Variants in CDH7 observed in about 807,000 individuals in gnomAD.
CDH7 encodes cadherin 7.
Under a neutral mutation model 71.8 loss-of-function variants are expected in CDH7, and 25 were observed. That is an observed-to-expected ratio of 0.35 (90% CI 0.25 to 0.49). CDH7 has a LOEUF of 0.49. Ranked by LOEUF, CDH7 falls within the 20% of genes least tolerant of loss-of-function variation. The pLI, the probability that CDH7 is intolerant of heterozygous loss-of-function variation, is 0.99. For missense variants in CDH7, 862 were observed against 974.6 expected (o/e 0.88, Z 1.54); for synonymous variants, 381 against 363.8 (o/e 1.05, Z -0.54).
At position 65,843,888 on chromosome 18, in the gene CDH7, T is replaced by C. The variant is rs1366624772; in HGVS notation, c.1058T>C (p.Leu353Pro). 8 of 1,588,702 alleles carry C rather than the reference T, an allele frequency of 5.0e-6. No individual in the cohort carries two copies. The highest frequency in any genetic ancestry group is 6.9e-6 in the Non-Finnish European group (8 of 1,164,380). The change falls in exon 7 of 12, where the codon CTG (leucine) becomes CCG (proline). Residue 353 changes from leucine to proline, a missense_variant. Physicochemically the swap from Leu to Pro is moderately conservative, Grantham distance 98 (BLOSUM62 -3). Transcript: ENST00000397968. ...AATAAAGATGCCGACCCTCGCTTTC[T>C]GAGCTTGGGTCCGTTCAGTGACACG... ...AANKDADPRF[L>P]SLGPFSDTTT... is the part of the protein sequence containing the mutation.
intron 2 of CDH7, among the ~76,000 whole-genome samples, chr18:65,776,401 CAGAG>C (rs1555681615): frequency 6.4e-5 from 8 of 124,676 alleles, no homozygotes; most frequent in African/African-American, 2.4e-4. Context: ...CACACACACA[CAGAG>C]AGAGAGAGAG....
chr18:65,767,389 C>T (rs910144272), intron 2 of CDH7, among the ~76,000 whole-genome samples: 7 of 152,022 alleles, frequency 4.6e-5, no homozygotes, highest in African/African-American at 1.7e-4. Flanking sequence ...ACTTGAGTTA[C>T]AAATTAGATT....
chr18:65,792,806 T>A (rs145357501), intron 2 of CDH7, among the ~76,000 whole-genome samples: 254 of 152,252 alleles, frequency 1.7e-3, no homozygotes, highest in African/African-American at 5.9e-3. Flanking sequence ...TTCCACAAAA[T>A]ACCCAATTAC....
At chr18:65,864,746 C>T (rs950932785) in intron 11 of CDH7, among the ~76,000 whole-genome samples, 3 of 151,434 alleles carry the variant, frequency 2.0e-5, no homozygotes, top group African/African-American at 4.8e-5. Context: ...AAAAAATTAG[C>T]CAGGAGTGGT....
intron 2 of CDH7, among the ~76,000 whole-genome samples, chr18:65,773,900 A>C (rs997726293): frequency 2.0e-5 from 3 of 152,056 alleles, no homozygotes; most frequent in Non-Finnish European, 4.4e-5. Flanking sequence ...TGGCTATTCA[A>C]ATATTTGAAG....
chr18:65,778,295 A>T (rs919698654), intron 2 of CDH7, among the ~76,000 whole-genome samples: 1 of 150,876 alleles, frequency 6.6e-6, no homozygotes, highest in African/African-American at 2.4e-5. Context: ...AAAAAAAAAA[A>T]AAAAAACCTA....
chr18:65,781,803 C>T (rs373037144), intron 2 of CDH7, among the ~76,000 whole-genome samples: 3,578 of 68,214 alleles, frequency 0.052, 411 homozygotes, highest in African/African-American at 0.22. Context: ...TCCTTCCTTC[C>T]TTCCTTCCTT....
intron 11 of CDH7, among the ~76,000 whole-genome samples, chr18:65,869,235 T>C (rs908845050): frequency 1.3e-4 from 19 of 146,912 alleles, no homozygotes; most frequent in Non-Finnish European, 2.0e-4. Flanking sequence ...TTTTTTTTTT[T>C]CCTCCTGAAT....
chr18:65,769,742 A>G (rs1221916652), intron 2 of CDH7, among the ~76,000 whole-genome samples: 1 of 152,112 alleles, frequency 6.6e-6, no homozygotes, highest in Non-Finnish European at 1.5e-5. Context: ...TGGGTAGAAC[A>G]TTTTATAATA....
At chr18:65,875,549 G>A (rs376749173) in intron 11 of CDH7, among the ~76,000 whole-genome samples, 11 of 152,216 alleles carry the variant, frequency 7.2e-5, no homozygotes, top group African/African-American at 2.6e-4. Context: ...TTGGTTTTGG[G>A]AGAATGATTC....
chr18:65,764,837 T>C (rs1916307391), intron 2 of CDH7, among the ~76,000 whole-genome samples: 1 of 152,082 alleles, frequency 6.6e-6, no homozygotes, highest in Non-Finnish European at 1.5e-5. Flanking sequence ...AATGGCCTTC[T>C]TTTGAATTTC....
intron 6 of CDH7, among the ~76,000 whole-genome samples, chr18:65,828,704 A>G (rs756225): frequency 0.65 from 99,055 of 151,486 alleles, 33,270 homozygotes; most frequent in East Asian, 0.97. Flanking sequence ...TCAGGGGTCA[A>G]TTGTATATTC....
intron 3 of CDH7, among the ~76,000 whole-genome samples, chr18:65,813,445 T>C (rs935440093): frequency 5.9e-5 from 9 of 152,206 alleles, no homozygotes; most frequent in Non-Finnish European, 1.3e-4. Context: ...CAATGAAATA[T>C]ATATAGAAAA....
chr18:65,843,138 G>A (rs1912797936), intron 6 of CDH7, among the ~76,000 whole-genome samples: 1 of 152,064 alleles, frequency 6.6e-6, no homozygotes, highest in African/African-American at 2.4e-5. Flanking sequence ...TAATTTTTGG[G>A]AAAATTGTAG....
In CDH7 at chr18:65,887,672, GAAGTA is replaced by G. The variant is rs779614640; in HGVS notation, c.*6786_*6790del. 6.6e-6 allele frequency: 1 copy of G among 152,034 alleles called. No homozygotes were observed. Among genetic ancestry groups the G allele is most frequent in the African/African-American group, 2.4e-5 (1 of 41,390 alleles). The allele number at this position is 152,034 out of a possible 1,614,324, so 9.4% of individuals were successfully genotyped here. On this transcript the variant is annotated 3_prime_UTR_variant, in exon 12 of 12. Transcript: ENST00000397968. ...CACACACAATTTGAGGCGAAATGTTGAAGTAAAGTAAATGACTTTTAAATATTTTC... is the reference window on the plus strand; with the variant it reads ...CACACACAATTTGAGGCGAAATGTTGAAGTAAATGACTTTTAAATATTTTC...
At chr18:65,786,152 C>T (rs962329494) in intron 2 of CDH7, among the ~76,000 whole-genome samples, 1 of 151,870 alleles carries the variant, frequency 6.6e-6, no homozygotes, top group African/African-American at 2.4e-5. Context: ...TATTTTCAAG[C>T]TTCTGTCTGT....
intron 4 of CDH7, among the ~76,000 whole-genome samples, chr18:65,820,209 A>G (rs1404161015): frequency 2.0e-5 from 3 of 150,326 alleles, no homozygotes; most frequent in Non-Finnish European, 4.4e-5. Flanking sequence ...TGATATAGCT[A>G]TAGAAAAATT....
Position 65,824,784 on chromosome 18 carries a change from A to G in CDH7, c.934A>G (p.Ile312Val). ...TGGTGATGGTTTGGGCATTTTTAAG[A>G]TTTCTGTTGACAAAGAAACCCAGGA... ...VDGDGLGIFK[I>V]SVDKETQEGI... The change falls in exon 6 of 12, where the codon ATT becomes GTT. Residue 312 changes from isoleucine (I) to valine (V), a missense_variant. Coordinates refer to ENST00000397968, the MANE Select transcript of CDH7 (RefSeq NM_004361.5). The G allele has an allele frequency of 1.2e-6, 2 of 1,612,414 alleles. No individual in the cohort carries two copies. Among genetic ancestry groups the G allele is most frequent in the South Asian group, 1.1e-5 (1 of 91,024 alleles).
intron 2 of CDH7, among the ~76,000 whole-genome samples, chr18:65,766,970 T>G (rs1916393885): frequency 6.7e-6 from 1 of 149,276 alleles, no homozygotes; most frequent in Non-Finnish European, 1.5e-5. Context: ...GTATTTTTCA[T>G]CTTTCCTAAC....
Sources: gnomAD v4.1 joint callset for allele counts (sites outside exome capture counted in the v4.1 genomes callset) on GRCh38, gnomAD v4.1.1 for gene constraint, MANE v1.5 for transcripts, NCBI Gene and HGNC (gene_info 2026-07-23, HGNC 2026-07-21) for gene names.